Variants in KLHL29 observed in about 807,000 individuals in gnomAD.
KLHL29 encodes the protein kelch-like protein 29.
Under a neutral mutation model 80.4 loss-of-function variants are expected in KLHL29, and 21 were observed. That is an observed-to-expected ratio of 0.26 (90% CI 0.19 to 0.38). KLHL29 has a LOEUF of 0.38. KLHL29 is among the 10% of genes least tolerant of loss of function. The pLI is 1.00. For missense variants in KLHL29, 867 were observed against 1,223.9 expected (o/e 0.71, Z 4.35); for synonymous variants, 511 against 526.8 (o/e 0.97, Z 0.41).
At position 23,430,713 on chromosome 2, in the gene KLHL29, G is replaced by T. The variant is rs200084100; in HGVS notation, c.-153-44847G>T. 1.3e-4 allele frequency among the ~76,000 whole-genome samples: 20 copies of T among 152,296 alleles called. 1 individual carries two copies. The East Asian group carries it at 3.5e-3, about 26-fold the overall frequency. On this transcript the variant is annotated intron_variant, in intron 1 of 13. Coordinates refer to ENST00000486442, the MANE Select transcript of KLHL29 (RefSeq NM_052920.2). The stretch of plus-strand genomic sequence containing the variant: ...GCCCACAGGATCTCTTCCTTGCTGC[G>T]CCCCTGATGCCTGTGCTACTGTGGT...
intron 3 of KLHL29, among the ~76,000 whole-genome samples, chr2:23,608,871 T>C (rs1668791666): frequency 6.6e-6 from 1 of 151,388 alleles, no homozygotes; most frequent in Non-Finnish European, 1.5e-5. Context: ...ACGATAAAGA[T>C]AATAATAATA....
chr2:23,483,762 G>A (rs1199716902), intron 2 of KLHL29, among the ~76,000 whole-genome samples: 1 of 152,122 alleles, frequency 6.6e-6, no homozygotes, highest in Non-Finnish European at 1.5e-5. Context: ...GCCCAGAGAG[G>A]TCTAGTATCT....
intron 3 of KLHL29, among the ~76,000 whole-genome samples, chr2:23,582,355 C>T (rs1311298029): frequency 1.3e-5 from 2 of 152,180 alleles, no homozygotes; most frequent in Admixed American, 1.3e-4. Context: ...GCTATTAAAG[C>T]GTCACACTCA....
At chr2:23,683,176 CA>C (rs975375015) in intron 5 of KLHL29, among the ~76,000 whole-genome samples, 2 of 152,230 alleles carry the variant, frequency 1.3e-5, no homozygotes, top group Non-Finnish European at 2.9e-5. Context: ...GGCCCTGGCC[CA>C]TGTGGACAGC....
chr2:23,520,992 ACC>A (rs33915683), intron 2 of KLHL29, among the ~76,000 whole-genome samples: 134 of 91,226 alleles, frequency 1.5e-3, no homozygotes, highest in African/African-American at 4.1e-3. Flanking sequence ...TACAAAGACC[ACC>A]CCCCCCCCCG....
chr2:23,455,680 C>T lies in KLHL29; in HGVS notation c.-153-19880C>T, dbSNP rs150891379. ...AGGCTGGAGTGCAGTGGCACCATCT[C>T]GGCTCACTGCAACCTCTGCCTCCCA... On this transcript the variant is annotated intron_variant, in intron 1 of 13. Transcript: ENST00000486442. 5.6e-4 allele frequency among the ~76,000 whole-genome samples: 82 copies of T among 146,408 alleles called. No individual in the cohort carries two copies. The East Asian group carries it at 0.014, about 25-fold the overall frequency.
intron 3 of KLHL29, among the ~76,000 whole-genome samples, chr2:23,578,036 A>T (rs1026178219): frequency 3.9e-5 from 6 of 152,164 alleles, no homozygotes; most frequent in Non-Finnish European, 5.9e-5. Context: ...TCAGTAAATT[A>T]TGCGATTCCT....
chr2:23,441,551 A>G (rs1232631553), intron 1 of KLHL29, among the ~76,000 whole-genome samples: 3 of 152,168 alleles, frequency 2.0e-5, no homozygotes, highest in African/African-American at 7.2e-5. Flanking sequence ...AAAGAACAAC[A>G]TTTATTTGCT....
chr2:23,553,771 C>T (rs1364947958), intron 2 of KLHL29, among the ~76,000 whole-genome samples: 1 of 152,182 alleles, frequency 6.6e-6, no homozygotes, highest in Non-Finnish European at 1.5e-5. Context: ...TTTGGTCTGC[C>T]AAATGTTCCC....
At chr2:23,523,308 C>T (rs1183313117) in intron 2 of KLHL29, among the ~76,000 whole-genome samples, 1 of 152,226 alleles carries the variant, frequency 6.6e-6, no homozygotes, top group African/African-American at 2.4e-5. Flanking sequence ...TCCAACCCCT[C>T]TTATGATCCT....
intron 13 of KLHL29, among the ~76,000 whole-genome samples, chr2:23,704,538 G>A (rs1463159264): frequency 3.9e-5 from 6 of 152,170 alleles, no homozygotes; most frequent in Admixed American, 1.3e-4. Flanking sequence ...AGGCCGAGGC[G>A]GATGGATCAG....
intron 3 of KLHL29, among the ~76,000 whole-genome samples, chr2:23,611,949 G>A (rs1485131391): frequency 6.6e-6 from 1 of 150,980 alleles, no homozygotes; most frequent in Non-Finnish European, 1.5e-5. Context: ...TAAGTAAAGA[G>A]AGACCAGAGA....
intron 3 of KLHL29, among the ~76,000 whole-genome samples, chr2:23,597,403 ATATATTTTTTTT>A (rs1433084664): frequency 2.7e-3 from 107 of 39,702 alleles, no homozygotes; most frequent in South Asian, 3.9e-3. Flanking sequence ...ATATATATAT[ATATATTTTTTTT>A]TTTTTTTTTT....
intron 1 of KLHL29, among the ~76,000 whole-genome samples, chr2:23,388,167 G>T (rs1025111669): frequency 1.3e-5 from 2 of 152,130 alleles, no homozygotes; most frequent in African/African-American, 4.8e-5. Flanking sequence ...TTTCTAATGA[G>T]TGGTGGTCAT....
chr2:23,506,676 A>G (rs553834942), intron 2 of KLHL29, among the ~76,000 whole-genome samples: 6 of 152,192 alleles, frequency 3.9e-5, no homozygotes, highest in Admixed American at 6.5e-5. Flanking sequence ...GGAACTCATT[A>G]CATCAGAGCA....
At position 23,696,139 on chromosome 2, in the gene KLHL29, G is replaced by T. The variant is rs1008363250; in HGVS notation, c.1924+6G>T. On this transcript the variant is annotated splice_donor_region_variant and intron_variant, in intron 10 of 13. Coordinates refer to ENST00000486442, the MANE Select transcript of KLHL29 (RefSeq NM_052920.2). The surrounding 1 kb of genome is among the most constrained non-coding windows in gnomAD (Gnocchi z 5.5). The stretch of plus-strand genomic sequence containing the variant: ...GGACAACATCTACCTCTCAGGTGAG[G>T]CCCCCCGGGGTTGGGGCGGGACCAG... 1.3e-6 allele frequency: 2 copies of T among 1,550,102 alleles called. No homozygotes were observed. The highest frequency in any genetic ancestry group is 2.7e-5 in the African/African-American group (2 of 73,142).
rs1672791421 is a variant in KLHL29, at chr2:23,707,274, T to A, written c.*610T>A. The stretch of plus-strand genomic sequence containing the variant: ...GACAGCCGGGGAGCAGGGACAGCGG[T>A]CTGTCCTTCACAGGTTTTTCTACTG... On this transcript the variant is annotated 3_prime_UTR_variant, in exon 14 of 14. Transcript: ENST00000486442. 6.6e-6 allele frequency: 1 copy of A among 152,204 alleles called. No individual in the cohort carries two copies. Among genetic ancestry groups the A allele is most frequent in the South Asian group, 2.1e-4 (1 of 4,834 alleles). 9.4% of individuals were successfully genotyped at this position (152,204 alleles called of 1,614,324 possible).
At chr2:23,393,855 TG>T (rs1304190845) in intron 1 of KLHL29, among the ~76,000 whole-genome samples, 8 of 152,202 alleles carry the variant, frequency 5.3e-5, no homozygotes. Context: ...ACCTGACTGC[TG>T]GCCCGGCACT....
intron 1 of KLHL29, among the ~76,000 whole-genome samples, chr2:23,426,644 A>G (rs1194967004): frequency 6.6e-6 from 1 of 152,236 alleles, no homozygotes; most frequent in African/African-American, 2.4e-5. Context: ...TACTTTTGGC[A>G]TCTGAGTCAC....
Sources: allele counts gnomAD v4.1 joint callset (sites outside exome capture counted in the v4.1 genomes callset), GRCh38; gene constraint gnomAD v4.1.1; non-coding constraint Gnocchi (gnomAD v3.1); transcripts MANE v1.5; gene names NCBI Gene and HGNC (gene_info 2026-07-23, HGNC 2026-07-21).